Variants in UGGT2 observed in about 807,000 individuals in gnomAD.
The protein encoded by UGGT2 is UDP-glucose:glycoprotein glucosyltransferase 2.
UGGT2 carries 180 observed loss-of-function variants against 192.1 expected under a neutral mutation model. The ratio of observed to expected loss-of-function variants is 0.94; its 90% CI spans 0.83 to 1.06. UGGT2 has a LOEUF of 1.06. UGGT2 is among the 50% of genes least tolerant of loss of function. UGGT2 has a pLI of 0.00. For missense variants in UGGT2, 1,849 were observed against 1,795.7 expected (o/e 1.03, Z -0.54); for synonymous variants, 580 against 591.0 (o/e 0.98, Z 0.27).
intron 1 of UGGT2, among the ~76,000 whole-genome samples, chr13:96,049,090 C>G (rs954312652): frequency 1.3e-5 from 2 of 152,206 alleles, no homozygotes; most frequent in African/African-American, 4.8e-5. Flanking sequence ...CAATAAAATA[C>G]TGGCAAACCA....
intron 2 of UGGT2, among the ~76,000 whole-genome samples, chr13:96,029,694 G>A (rs1462856784): frequency 1.3e-5 from 2 of 152,138 alleles, no homozygotes; most frequent in Admixed American, 1.3e-4. Context: ...TTATATTCCA[G>A]CTTGTGAATG....
chr13:95,885,554 T>A (rs769540753), intron 26 of UGGT2, among the ~76,000 whole-genome samples: 1 of 152,170 alleles, frequency 6.6e-6, no homozygotes. Context: ...GAAGGGAAAT[T>A]CCATCACTTT....
At chr13:95,984,449 C>G (rs1469260968) in intron 9 of UGGT2, among the ~76,000 whole-genome samples, 4 of 152,120 alleles carry the variant, frequency 2.6e-5, no homozygotes, top group Non-Finnish European at 4.4e-5. Flanking sequence ...CTGCCTCAGC[C>G]TCTCAATTAG....
intron 38 of UGGT2, among the ~76,000 whole-genome samples, chr13:95,822,595 T>C (rs781165562): frequency 1.3e-4 from 20 of 151,844 alleles, no homozygotes; most frequent in Admixed American, 3.3e-4. Flanking sequence ...AGTTCGTACA[T>C]GTAAAGGTGT....
chr13:95,818,724 C>A (rs1192148733), intron 38 of UGGT2, among the ~76,000 whole-genome samples: 2 of 152,104 alleles, frequency 1.3e-5, no homozygotes, highest in Non-Finnish European at 2.9e-5. Context: ...GAAAGCTAAT[C>A]AAGGCTCAGG....
chr13:95,853,273 C>T (rs11840966), intron 36 of UGGT2, among the ~76,000 whole-genome samples: 55,332 of 151,858 alleles, frequency 0.36, 10,488 homozygotes, highest in Non-Finnish European at 0.42. Flanking sequence ...GCAGTGAGAA[C>T]GGACTAATAC....
intron 20 of UGGT2, among the ~76,000 whole-genome samples, chr13:95,904,187 T>G (rs2048200754): frequency 6.6e-6 from 1 of 152,162 alleles, no homozygotes; most frequent in Admixed American, 6.6e-5. Flanking sequence ...CAGTCCTTAA[T>G]TTTAAAGTAG....
At chr13:95,849,927 T>G (rs78702945) in intron 36 of UGGT2, among the ~76,000 whole-genome samples, 1 of 5,478 alleles carries the variant, frequency 1.8e-4, no homozygotes, top group African/African-American at 3.9e-4. Context: ...CTGTTTTTTG[T>G]TTTTTTTTTT....
At chr13:95,872,784 GAAAAT>G (rs1259420752) in intron 29 of UGGT2, among the ~76,000 whole-genome samples, 1 of 152,108 alleles carries the variant, frequency 6.6e-6, no homozygotes, top group Non-Finnish European at 1.5e-5. Context: ...GTGTATGATA[GAAAAT>G]AATAGTAAAG....
At chr13:95,905,885 T>G (rs925808182) in intron 20 of UGGT2, among the ~76,000 whole-genome samples, 1 of 152,300 alleles carries the variant, frequency 6.6e-6, no homozygotes. Flanking sequence ...AATCAATTTT[T>G]GTGTATGACG....
At chr13:95,911,071 G>A (rs2048478234) in intron 20 of UGGT2, among the ~76,000 whole-genome samples, 1 of 152,138 alleles carries the variant, frequency 6.6e-6, no homozygotes, top group Non-Finnish European at 1.5e-5. Context: ...CAGAATCTTT[G>A]GGACACATTT....
chr13:95,907,208 G>T (rs572563339), intron 20 of UGGT2, among the ~76,000 whole-genome samples: 1 of 152,328 alleles, frequency 6.6e-6, no homozygotes, highest in East Asian at 1.9e-4. Context: ...GCTGGGGGAG[G>T]GGCGTCCACC....
chr13:95,935,523 C>T (rs1332112433), intron 17 of UGGT2, among the ~76,000 whole-genome samples: 1 of 152,134 alleles, frequency 6.6e-6, no homozygotes, highest in East Asian at 1.9e-4. Flanking sequence ...GGGTTCCCTT[C>T]GTATGTGATC....
At chr13:95,913,368 C>G (rs542548224) in intron 20 of UGGT2, among the ~76,000 whole-genome samples, 15 of 152,092 alleles carry the variant, frequency 9.9e-5, no homozygotes, top group Admixed American at 3.3e-4. Flanking sequence ...CCAGAATCTA[C>G]AAAGAACTCA....
intron 11 of UGGT2, among the ~76,000 whole-genome samples, chr13:95,971,316 C>A (rs7324957): frequency 0.36 from 54,612 of 151,976 alleles, 10,123 homozygotes; most frequent in Middle Eastern, 0.41. Flanking sequence ...TTCCATTCAT[C>A]TTCCTCTTTG....
chr13:95,817,987 G>A (rs1885078256), intron 38 of UGGT2, among the ~76,000 whole-genome samples: 1 of 152,162 alleles, frequency 6.6e-6, no homozygotes, highest in Admixed American at 6.5e-5. Context: ...GTATTTATCA[G>A]AATCAGAACC....
chr13:95,989,090 G>C (rs1245417061), intron 8 of UGGT2, among the ~76,000 whole-genome samples: 1 of 151,980 alleles, frequency 6.6e-6, no homozygotes, highest in Non-Finnish European at 1.5e-5. Flanking sequence ...TTAGTTTTTT[G>C]GGGGGATGAT....
chr13:95,907,173 G>T (rs576708514), intron 20 of UGGT2, among the ~76,000 whole-genome samples: 2 of 152,358 alleles, frequency 1.3e-5, no homozygotes, highest in East Asian at 3.9e-4. Flanking sequence ...AGCTGTCTGA[G>T]ATTGAACTGC....
At chr13:95,889,704 G>A (rs184760175) in intron 25 of UGGT2, among the ~76,000 whole-genome samples, 19 of 152,258 alleles carry the variant, frequency 1.2e-4, no homozygotes, top group Middle Eastern at 6.8e-3. Context: ...AAGTCCTTTT[G>A]GAGACTGATA....
Sources: gnomAD v4.1 joint callset for allele counts (sites outside exome capture counted in the v4.1 genomes callset) on GRCh38, gnomAD v4.1.1 for gene constraint, MANE v1.5 for transcripts, NCBI Gene and HGNC (gene_info 2026-07-23, HGNC 2026-07-21) for gene names.